GLCE: variants seen among roughly 807,000 people sequenced by gnomAD.
GLCE encodes glucuronic acid epimerase.
A neutral mutation model predicts 47.9 loss-of-function variants in GLCE; 19 were observed. The observed-to-expected ratio is 0.40, with a 90% confidence interval of 0.28 to 0.58. The LOEUF is 0.58. Ranked by LOEUF, GLCE falls within the 20% of genes least tolerant of loss-of-function variation. GLCE has a pLI of 0.48. For missense variants in GLCE, 556 were observed against 743.3 expected (o/e 0.75, Z 2.93); for synonymous variants, 245 against 263.4 (o/e 0.93, Z 0.68).
chr15:69,198,644 A>G (rs1299430094), intron 1 of GLCE, among the ~76,000 whole-genome samples: 1 of 152,190 alleles, frequency 6.6e-6, no homozygotes, highest in Non-Finnish European at 1.5e-5. Flanking sequence ...CCAGCAAAAG[A>G]GAGTGCTAGC....
chr15:69,212,362 G>A (rs1452446769), intron 2 of GLCE, among the ~76,000 whole-genome samples: 1 of 151,528 alleles, frequency 6.6e-6, no homozygotes, highest in African/African-American at 2.4e-5. Flanking sequence ...GTAAAACAAG[G>A]GGAAATAAAC....
chr15:69,212,140 G>A (rs2052241450), intron 2 of GLCE, among the ~76,000 whole-genome samples: 1 of 151,388 alleles, frequency 6.6e-6, no homozygotes, highest in South Asian at 2.1e-4. Flanking sequence ...GGCCACCTTA[G>A]CATTGTGTGT....
intron 2 of GLCE, among the ~76,000 whole-genome samples, chr15:69,221,723 C>T (rs779720315): frequency 1.8e-4 from 27 of 151,850 alleles, no homozygotes; most frequent in Non-Finnish European, 3.2e-4. Context: ...ATTAGCTGGA[C>T]GTGGTGGTGG....
intron 4 of GLCE, among the ~76,000 whole-genome samples, chr15:69,264,039 T>G (rs1284962801): frequency 1.3e-5 from 2 of 152,138 alleles, no homozygotes; most frequent in African/African-American, 4.8e-5. Flanking sequence ...TAAGAGATAT[T>G]TTAGCACATT....
chr15:69,161,022 C>T (rs1464312747), intron 1 of GLCE, among the ~76,000 whole-genome samples: 3 of 151,828 alleles, frequency 2.0e-5, no homozygotes, highest in African/African-American at 7.3e-5. Flanking sequence ...GGGGGCTCTT[C>T]CGGCTTGGGG....
intron 1 of GLCE, among the ~76,000 whole-genome samples, chr15:69,204,256 T>A (rs1388541691): frequency 6.6e-6 from 1 of 151,446 alleles, no homozygotes; most frequent in Non-Finnish European, 1.5e-5. Flanking sequence ...ATAAAAAAGT[T>A]AGAAACAAAT....
intron 1 of GLCE, among the ~76,000 whole-genome samples, chr15:69,206,172 A>C (rs567362264): frequency 6.6e-6 from 1 of 152,172 alleles, no homozygotes; most frequent in East Asian, 1.9e-4. Flanking sequence ...TACTAGTACC[A>C]GTCAGATATT....
At chr15:69,170,260 G>T (rs149090242) in intron 1 of GLCE, among the ~76,000 whole-genome samples, 1 of 152,020 alleles carries the variant, frequency 6.6e-6, no homozygotes, top group African/African-American at 2.4e-5. Flanking sequence ...TAAACAATTA[G>T]ATATTAAAAT....
At position 69,261,107 on chromosome 15, in the gene GLCE, T is replaced by A; in HGVS notation, c.607T>A (p.Trp203Arg). 1 of 1,612,774 alleles carries A rather than the reference T, an allele frequency of 6.2e-7. No individual in the cohort carries two copies. Among genetic ancestry groups the A allele is most frequent in the Non-Finnish European group, 8.5e-7 (1 of 1,178,794 alleles). Residue 203 changes from tryptophan (W) to arginine (R), a missense_variant, in exon 4 of 5, where the codon TGG (tryptophan) becomes AGG (arginine). This residue lies in a region of GLCE where 237 missense variants were observed against 310.9 expected (regional missense o/e 0.76). Coordinates refer to ENST00000261858, the MANE Select transcript of GLCE (RefSeq NM_015554.3). ...GVEGVPLSTQ[W>R]GPQGYFYPIQ... ...TATAGGTGTGCCATTATCTACACAA[T>A]GGGGACCTCAAGGCTATTTCTATCC... is the stretch of plus-strand genomic sequence containing the variant.
chr15:69,169,133 A>C (rs1566945405), intron 1 of GLCE, among the ~76,000 whole-genome samples: 1 of 152,216 alleles, frequency 6.6e-6, no homozygotes, highest in South Asian at 2.1e-4. Context: ...TGTGTTGAAC[A>C]TTACATCTGT....
chr15:69,269,218 A>G lies in GLCE; in HGVS notation c.1828A>G (p.Lys610Glu). The G allele has an allele frequency of 6.2e-7, 1 of 1,614,058 alleles. No individual in the cohort carries two copies. Among genetic ancestry groups the G allele is most frequent in the Non-Finnish European group, 8.5e-7 (1 of 1,179,938 alleles). Residue 610 changes from lysine (K) to glutamate (E), a missense_variant, in exon 5 of 5, where the codon AAA (lysine) becomes GAA (glutamate). Coordinates refer to ENST00000261858, the MANE Select transcript of GLCE (RefSeq NM_015554.3). ...EFVKRWKSYLKGSRAKHN is the reference protein window; with the variant it reads ...EFVKRWKSYLEGSRAKHN ...TGTCAAGAGGTGGAAAAGCTACCTT[A>G]AAGGCAGCAGGGCAAAGCACAACTA...
chr15:69,212,596 A>G (rs866591209), intron 2 of GLCE, among the ~76,000 whole-genome samples: 17 of 152,192 alleles, frequency 1.1e-4, no homozygotes, highest in Middle Eastern at 3.4e-3. Flanking sequence ...TAGATAAGAA[A>G]GGACCTGAAT....
chr15:69,260,002 T>C (rs2052988798), intron 3 of GLCE, among the ~76,000 whole-genome samples: 1 of 152,208 alleles, frequency 6.6e-6, no homozygotes, highest in African/African-American at 2.4e-5. Flanking sequence ...TACAACATTA[T>C]GTAAATGTAG....
chr15:69,260,963 A>G, intron 3 of GLCE, 124 bp from the exon 4 acceptor site: 1 of 868,426 alleles, frequency 1.2e-6, no homozygotes, highest in Non-Finnish European at 1.8e-6. Flanking sequence ...CAGTATTATA[A>G]GGAAGCCCAC....
rs977102633 is a variant in GLCE, at chr15:69,213,789, C to T, written c.-14+3383C>T. Among the ~76,000 whole-genome samples, 7 of 152,044 alleles carry T rather than the reference C, an allele frequency of 4.6e-5. No homozygotes were observed. The South Asian group carries it at 6.2e-4, about 14-fold the overall frequency. ...GTTTTAGTGGTGATTTTCTATTCTCCGTATTTCCTCTACATTTATCAATTA... is the reference window on the plus strand; with the variant it reads ...GTTTTAGTGGTGATTTTCTATTCTCTGTATTTCCTCTACATTTATCAATTA... On this transcript the variant is annotated intron_variant, in intron 2 of 4. Transcript: ENST00000261858.
At chr15:69,178,855 G>A (rs948966352) in intron 1 of GLCE, among the ~76,000 whole-genome samples, 1 of 151,858 alleles carries the variant, frequency 6.6e-6, no homozygotes, top group African/African-American at 2.4e-5. Context: ...AAACATATAT[G>A]ACTCTTAGTA....
At chr15:69,204,987 T>C (rs2052130087) in intron 1 of GLCE, among the ~76,000 whole-genome samples, 2 of 152,170 alleles carry the variant, frequency 1.3e-5, no homozygotes, top group Non-Finnish European at 2.9e-5. Flanking sequence ...TTAAAATTCT[T>C]TTAAGTATCA....
At chr15:69,189,221 A>G (rs1438659745) in intron 1 of GLCE, among the ~76,000 whole-genome samples, 1 of 152,148 alleles carries the variant, frequency 6.6e-6, no homozygotes. Flanking sequence ...CCTGGCAACC[A>G]CTGATCTTTT....
chr15:69,265,861 C>T (rs2053078515), intron 4 of GLCE, among the ~76,000 whole-genome samples: 1 of 152,106 alleles, frequency 6.6e-6, no homozygotes, highest in East Asian at 1.9e-4. Context: ...GTTAATAATC[C>T]CATCTGATGA....
Sources: gnomAD v4.1 joint callset for allele counts (sites outside exome capture counted in the v4.1 genomes callset) on GRCh38, gnomAD v4.1.1 for gene constraint, gnomAD v4.1.1 regional missense constraint, MANE v1.5 for transcripts, NCBI Gene and HGNC (gene_info 2026-07-23, HGNC 2026-07-21) for gene names.